CLSTN1: variants seen among roughly 807,000 people sequenced by gnomAD.
CLSTN1 encodes the protein calsyntenin-1.
In CLSTN1, 28 loss-of-function variants were observed where a neutral mutation model predicts 108.3. The ratio of observed to expected loss-of-function variants is 0.26; its 90% confidence interval spans 0.19 to 0.35. The LOEUF is 0.35. CLSTN1 is among the 10% of genes least tolerant of loss of function. The probability of loss-of-function intolerance (pLI) is 1.00; values close to 1 mark genes in which losing one functional copy is unlikely to be tolerated. For missense variants in CLSTN1, 1,157 were observed against 1,302.6 expected (o/e 0.89, Z 1.72); for synonymous variants, 524 against 534.9 (o/e 0.98, Z 0.28).
chr1:9,781,686 G>A (rs747434053), intron 1 of CLSTN1, among the ~76,000 whole-genome samples: 1 of 152,022 alleles, frequency 6.6e-6, no homozygotes, highest in African/African-American at 2.4e-5. Flanking sequence ...CAGGTGATCC[G>A]CCCAACTCGG....
chr1:9,736,127 T>C, intron 11 of CLSTN1, 85 bp from the exon 12 acceptor site: 1 of 1,546,008 alleles, frequency 6.5e-7, no homozygotes. Context: ...GTGTTACCGG[T>C]GCTGGCAGCT....
rs143714132 is a variant in CLSTN1 at position 9,796,499 on chromosome 1, C to G, written c.92-23105G>C. On this transcript the variant is annotated intron_variant, in intron 1 of 18. Coordinates refer to ENST00000377298, the MANE Select transcript of CLSTN1 (RefSeq NM_001009566.3). ...AGACCATCCTGGCTAACACATGAAA[C>G]CCCGTCTCTACTAAACATACAAAAA... Among the ~76,000 whole-genome samples the G allele has an allele frequency of 5.5e-4, 83 of 149,586 alleles. 1 individual carries two copies. The highest frequency in any genetic ancestry group is 1.9e-3 in the African/African-American group (77 of 41,074).
intron 2 of CLSTN1, among the ~76,000 whole-genome samples, chr1:9,764,670 C>T (rs1191310247): frequency 7.0e-6 from 1 of 143,478 alleles, no homozygotes; most frequent in African/African-American, 2.5e-5. Flanking sequence ...AAAAAGTTTC[C>T]ACATGAGGTT....
chr1:9,775,098 G>C (rs1652871970), intron 1 of CLSTN1, among the ~76,000 whole-genome samples: 1 of 152,092 alleles, frequency 6.6e-6, no homozygotes, highest in Non-Finnish European at 1.5e-5. Context: ...GGTTTTGGTG[G>C]GTTTCGGCGG....
chr1:9,773,570 A>C (rs1024829025), intron 1 of CLSTN1, among the ~76,000 whole-genome samples, 176 bp from the exon 2 acceptor site: 2 of 152,198 alleles, frequency 1.3e-5, no homozygotes, highest in Non-Finnish European at 2.9e-5. Flanking sequence ...ATGAAATTCT[A>C]AATTCCAGAA....
chr1:9,760,247 G>T (rs751102139), intron 2 of CLSTN1, among the ~76,000 whole-genome samples: 6 of 152,146 alleles, frequency 3.9e-5, no homozygotes, highest in Non-Finnish European at 7.4e-5. Context: ...TTGCTAGTCA[G>T]GCTGGCTCCT....
chr1:9,783,743 A>G (rs1246336720), intron 1 of CLSTN1, among the ~76,000 whole-genome samples: 1 of 152,128 alleles, frequency 6.6e-6, no homozygotes, highest in Non-Finnish European at 1.5e-5. Flanking sequence ...CTGTAATACC[A>G]GCACTTTGGG....
rs1208297496 is a variant in CLSTN1 at position 9,783,016 on chromosome 1, A to G, written c.92-9622T>C. Among the ~76,000 whole-genome samples the G allele has an allele frequency of 4.6e-5, 7 of 152,078 alleles. No individual in the cohort carries two copies. The South Asian group carries it at 1.3e-3, about 27-fold the overall frequency. The stretch of plus-strand genomic sequence containing the variant: ...AGCGAGACTCCATCTCAAAAAGAAA[A>G]AGAGAGAGAGAGGCTGGACCCATGC... On this transcript the variant is annotated intron_variant, in intron 1 of 18. Coordinates refer to ENST00000377298, the MANE Select transcript of CLSTN1 (RefSeq NM_001009566.3).
chr1:9,734,589 A>G lies in CLSTN1; in HGVS notation c.2110+359T>C, dbSNP rs61707204. 0.096 allele frequency among the ~76,000 whole-genome samples: 14,354 copies of G among 149,138 alleles called. 750 individuals are homozygous for G. Among genetic ancestry groups the G allele is most frequent in the Middle Eastern group, 0.17 (50 of 292 alleles). ...GACTCCATCTCAAAAAAAAAAAAAAAGGGGGGGAGTTTCATGTGTCCTGAG... is the reference window on the plus strand; with the variant it reads ...GACTCCATCTCAAAAAAAAAAAAAAGGGGGGGGAGTTTCATGTGTCCTGAG... On this transcript the variant is annotated intron_variant, in intron 14 of 18. Transcript: ENST00000377298. This position sits in a 1 kb window ranked among gnomAD's most constrained non-coding sequence, Gnocchi z 4.8.
At position 9,821,314 on chromosome 1, in the gene CLSTN1, G is replaced by A. The variant is rs182619780; in HGVS notation, c.91+2329C>T. The stretch of plus-strand genomic sequence containing the variant: ...CACCCAGCTAATTTTTATATAGTTA[G>A]CAGAGATGGGGTTTCACCATGTTGG... On this transcript the variant is annotated intron_variant, in intron 1 of 18. Coordinates refer to ENST00000377298, the MANE Select transcript of CLSTN1 (RefSeq NM_001009566.3). Among the ~76,000 whole-genome samples, 241 of 152,310 alleles carry A rather than the reference G, an allele frequency of 1.6e-3. 1 individual carries two copies. The Middle Eastern group carries it at 0.031, about 19-fold the overall frequency.
In CLSTN1 at chr1:9,735,663, C is replaced by T. The variant is rs779542747; in HGVS notation, c.1735-48G>A. 15 of 1,609,502 alleles carry T rather than the reference C, an allele frequency of 9.3e-6. No individual in the cohort carries two copies. In the South Asian group the frequency reaches 1.7e-4, roughly 18 times the overall value. ...GAGGAGAAGAATAAGCCAGTAACCG[C>T]AGGAGCTGAAACCACAGATGCCTCC... On this transcript the variant is annotated intron_variant, in intron 12 of 18. Coordinates refer to ENST00000377298, the MANE Select transcript of CLSTN1 (RefSeq NM_001009566.3).
intron 1 of CLSTN1, among the ~76,000 whole-genome samples, chr1:9,817,181 A>G (rs1320382977): frequency 6.6e-6 from 1 of 152,226 alleles, no homozygotes; most frequent in Non-Finnish European, 1.5e-5. Flanking sequence ...AGCCTGAGCA[A>G]CACAGTGAGA....
intron 2 of CLSTN1, among the ~76,000 whole-genome samples, chr1:9,770,151 T>C (rs12068953): frequency 0.027 from 4,129 of 152,192 alleles, 168 homozygotes; most frequent in African/African-American, 0.092. Flanking sequence ...AAGGAAAATA[T>C]TGACTTATCT....
intron 10 of CLSTN1, among the ~76,000 whole-genome samples, chr1:9,740,108 G>A (rs976931847): frequency 4.6e-5 from 7 of 151,944 alleles, no homozygotes; most frequent in African/African-American, 1.4e-4. Flanking sequence ...GAGCCACCGC[G>A]CCCGGCCAAT....
rs1398036369 is a variant in CLSTN1, at chr1:9,735,498, T to C, written c.1852A>G (p.Ile618Val). Residue 618 changes from isoleucine (I) to valine (V), a missense_variant, in exon 13 of 19, where the codon ATT becomes GTT. Transcript: ENST00000377298. ...GTGCTGGTGATTTTGAGTCTGCGAA[T>C]TCCGGGCGTGGGGAACTGCCGGGAG... is the stretch of plus-strand genomic sequence containing the variant. The part of the protein sequence containing the change: ...LNSRQFPTPG[I>V]RRLKITSTIK... The C allele has an allele frequency of 1.9e-6, 3 of 1,614,070 alleles. No homozygotes were observed. Among genetic ancestry groups the C allele is most frequent in the Non-Finnish European group, 2.5e-6 (3 of 1,180,026 alleles).
chr1:9,756,583 G>C, intron 2 of CLSTN1, 73 bp from the exon 3 acceptor site: 1 of 1,324,200 alleles, frequency 7.6e-7, no homozygotes, highest in Non-Finnish European at 1.1e-6. Context: ...AAGGAAAAAA[G>C]TCAAAGGTGC....
intron 7 of CLSTN1, among the ~76,000 whole-genome samples, chr1:9,746,379 G>A (rs1234723814): frequency 6.6e-6 from 1 of 152,200 alleles, no homozygotes; most frequent in Non-Finnish European, 1.5e-5. Context: ...GCCTTGGCTG[G>A]ACCAGCCTGG....
intron 1 of CLSTN1, among the ~76,000 whole-genome samples, chr1:9,801,623 C>T (rs1189247787): frequency 2.0e-5 from 3 of 152,140 alleles, no homozygotes; most frequent in African/African-American, 7.2e-5. Context: ...GGCACGATCT[C>T]GGCTCACTGC....
intron 9 of CLSTN1, among the ~76,000 whole-genome samples, 167 bp from the exon 10 acceptor site, chr1:9,741,423 A>G (rs1650978325): frequency 6.6e-6 from 1 of 152,216 alleles, no homozygotes; most frequent in African/African-American, 2.4e-5. Flanking sequence ...GAAGCCAAGC[A>G]TCTCTAGGGC....
Sources: gnomAD v4.1 joint callset for allele counts (sites outside exome capture counted in the v4.1 genomes callset) on GRCh38, gnomAD v4.1.1 for gene constraint, Gnocchi (gnomAD v3.1) non-coding constraint, MANE v1.5 for transcripts, NCBI Gene and HGNC (gene_info 2026-07-23, HGNC 2026-07-21) for gene names.